The following TBX6 variants were observed in gnomAD, a reference collection of about 807,000 sequenced individuals.
TBX6 encodes the protein T-box transcription factor TBX6.
A neutral mutation model predicts 42.3 loss-of-function variants in TBX6; 29 were observed. That is an observed-to-expected ratio of 0.69 (90% CI 0.51 to 0.93). The LOEUF is 0.93. Ranked by LOEUF, TBX6 falls within the 40% of genes least tolerant of loss-of-function variation. The pLI is 0.00. For missense variants in TBX6, 569 were observed against 603.3 expected, an observed-to-expected ratio of 0.94 and a Z score of 0.59; for synonymous variants, 249 against 245.1, an observed-to-expected ratio of 1.02 and a Z score of -0.15.
Position 30,090,756 on chromosome 16 carries a change from A to C in TBX6, c.353+2T>G. ...AAACACGGACCCTGGCCAGCCCCTC[A>C]CCTCCCAGCTTTGGTGATGATCATT... On this transcript the variant is annotated splice_donor_variant, in intron 3 of 8. Transcript: ENST00000395224. LOFTEE classifies it high-confidence loss of function. The C allele has an allele frequency of 1.9e-6, 3 of 1,608,374 alleles. No homozygotes were observed. The highest frequency in any genetic ancestry group is 2.5e-6 in the Non-Finnish European group (3 of 1,177,470).
At chr16:30,089,673 T>C (rs1357356590) in intron 3 of TBX6, among the ~76,000 whole-genome samples, 1 of 151,850 alleles carries the variant, frequency 6.6e-6, no homozygotes, top group African/African-American at 2.4e-5. Flanking sequence ...GGCTCATGCC[T>C]GTAATCTCAG....
chr16:30,090,843 C>G lies in TBX6; in HGVS notation c.268G>C (p.Gly90Arg). ...SAPEALHSLP[G>R]VSLSLENREL... ...CGGTTCTCCAGGCTCAGGCTGACCCCCGGGAGGGAATGGAGGGCCTCTGGA... is the reference window on the plus strand; with the variant it reads ...CGGTTCTCCAGGCTCAGGCTGACCCGCGGGAGGGAATGGAGGGCCTCTGGA... The change falls in exon 3 of 9, where the codon GGG (glycine) becomes CGG (arginine). Residue 90 changes from glycine (G) to arginine (R), a missense_variant. Coordinates refer to ENST00000395224, the MANE Select transcript of TBX6 (RefSeq NM_004608.4). 4 of 1,605,026 alleles carry G rather than the reference C, an allele frequency of 2.5e-6. No individual in the cohort carries two copies. Among genetic ancestry groups the G allele is most frequent in the Non-Finnish European group, 2.6e-6 (3 of 1,174,786 alleles).
At chr16:30,089,352 A>G in intron 3 of TBX6, 142 bp from the exon 4 acceptor site, 1 of 1,122,614 alleles carries the variant, frequency 8.9e-7, no homozygotes. Flanking sequence ...CCCAGAGGGC[A>G]GGCTGGAGGC....
chr16:30,086,324 C>T lies in TBX6; in HGVS notation c.1212G>A (p.Ala404=), dbSNP rs561072265. The change falls in exon 9 of 9, where the codon GCG becomes GCA. Residue 404 remains alanine (A), a synonymous_variant. Coordinates refer to ENST00000395224, the MANE Select transcript of TBX6 (RefSeq NM_004608.4). The surrounding 1 kb of genome is among the most constrained non-coding windows in gnomAD (Gnocchi z 4.6). ...GGAGAAAGTGCGGGGCAAAGGGTAC[C>T]GCCGGTGGAGCCGCTGGGTACCCGG... ...GGSGYPAAPP[A]VPFAPHFLQG... 1.2e-5 allele frequency: 19 copies of T among 1,607,404 alleles called. 1 individual carries two copies. Among genetic ancestry groups the T allele is most frequent in the African/African-American group, 6.7e-5 (5 of 74,646 alleles).
intron 3 of TBX6, among the ~76,000 whole-genome samples, chr16:30,089,759 G>A (rs760567594): frequency 2.6e-5 from 4 of 151,972 alleles, no homozygotes; most frequent in Admixed American, 6.6e-5. Flanking sequence ...GTGAAACACC[G>A]TCTCTACTAA....
chr16:30,090,927 C>T lies in TBX6; in HGVS notation c.184G>A (p.Ala62Thr), dbSNP rs373661215. 6.2e-6 allele frequency: 10 copies of T among 1,612,714 alleles called. No individual in the cohort carries two copies. Among genetic ancestry groups the T allele is most frequent in the Admixed American group, 3.3e-5 (2 of 59,914 alleles). Residue 62 changes from alanine (A) to threonine (T), a missense_variant, in exon 3 of 9, where the codon GCG (alanine) becomes ACG (threonine). Ala to Thr is a moderately conservative substitution (Grantham distance 58, BLOSUM62 0). Coordinates refer to ENST00000395224, the MANE Select transcript of TBX6 (RefSeq NM_004608.4). ...GMEAAPRTLA[A>T]HPPLPLLPPA... Reference sequence around the variant, plus strand: ...GGCAGAAGGGGCAGAGGTGGGTGCGCGGCCAGGGTGCGGGGAGCAGCCTCC... The same window carrying T: ...GGCAGAAGGGGCAGAGGTGGGTGCGTGGCCAGGGTGCGGGGAGCAGCCTCC...
rs1311359949 is a variant in TBX6, at chr16:30,086,365, G to A, written c.1171C>T (p.His391Tyr). The change falls in exon 9 of 9, where the codon CAC becomes TAC. Residue 391 changes from histidine (H) to tyrosine (Y), a missense_variant. Physicochemically the swap from His to Tyr is moderately conservative, Grantham distance 83. Transcript: ENST00000395224. The surrounding 1 kb of genome is among the most constrained non-coding windows in gnomAD (Gnocchi z 4.6). ...PYSAAFLELP[H>Y]GSGGSGYPAA... ...GGGTACCCGGAGCCCCCTGACCCGT[G>A]CGGCAGCTCCAGAAATGCAGCCGAG... is the stretch of plus-strand genomic sequence containing the variant. 1.3e-6 allele frequency: 2 copies of A among 1,580,258 alleles called. No individual in the cohort carries two copies. The highest frequency in any genetic ancestry group is 2.3e-5 in the South Asian group (2 of 86,236).
Position 30,086,128 on chromosome 16 carries a change from TGGTGTGGGGGATGGGGCCGGTGGA to T in TBX6, c.*73_*96del. On this transcript the variant is annotated 3_prime_UTR_variant, in exon 9 of 9. Transcript: ENST00000395224. This position sits in a 1 kb window ranked among gnomAD's most constrained non-coding sequence, Gnocchi z 4.6. Reference sequence around the variant, plus strand: ...GGTGGGCAGGCCCAAGGCGGCCATTTGGTGTGGGGGATGGGGCCGGTGGAGGTGAGGGGGCTCCAGGGCTGGGGG... The same window carrying T: ...GGTGGGCAGGCCCAAGGCGGCCATTTGGTGAGGGGGCTCCAGGGCTGGGGG... 8.4e-7 allele frequency: 1 copy of T among 1,193,902 alleles called. No individual in the cohort carries two copies. Among genetic ancestry groups the T allele is most frequent in the Non-Finnish European group, 1.1e-6 (1 of 906,924 alleles). 74.0% of individuals were successfully genotyped at this position (1,193,902 alleles called of 1,614,324 possible).
In TBX6 at chr16:30,088,278, A is replaced by T. The variant is rs2072669445; in HGVS notation, c.839+267T>A. 2.0e-6 allele frequency: 1 copy of T among 506,456 alleles called. No individual in the cohort carries two copies. 31.4% of individuals were successfully genotyped at this position (506,456 alleles called of 1,614,324 possible). A position where few individuals can be genotyped will look rare whatever the true frequency, so the allele number is the denominator to read the frequency against. On this transcript the variant is annotated intron_variant, in intron 6 of 8. Coordinates refer to ENST00000395224, the MANE Select transcript of TBX6 (RefSeq NM_004608.4). This position sits in a 1 kb window ranked among gnomAD's most constrained non-coding sequence, Gnocchi z 4.1. Reference sequence around the variant, plus strand: ...ATGGCTTCCTAACAGATGACATTTTATTTATTTCTCTTGTCTGCTTGTCTA... The same window carrying T: ...ATGGCTTCCTAACAGATGACATTTTTTTTATTTCTCTTGTCTGCTTGTCTA...
chr16:30,091,372 G>A (rs1178507134), intron 1 of TBX6, 131 bp from the exon 2 acceptor site: 1 of 581,620 alleles, frequency 1.7e-6, no homozygotes, highest in Admixed American at 3.4e-5. Flanking sequence ...GTCCGAGAGG[G>A]GGTCGGATAC....
chr16:30,086,269 C>T lies in TBX6; in HGVS notation c.1267G>A (p.Ala423Thr), dbSNP rs750299943. ...CCCACATCCAGATAGCCCCCAGGCG[C>T]GGTGTATGGTAGAGGGAAGGGGCCC... Reference protein sequence around the residue: ...QGGPFPLPYTAPGGYLDVGSK... With the variant: ...QGGPFPLPYTTPGGYLDVGSK... Residue 423 changes from alanine to threonine, a missense_variant, in exon 9 of 9, where the codon GCG becomes ACG. Around this residue, in one of 3 missense-constraint regions of TBX6, gnomAD observed 245 missense variants for 227.4 expected, o/e 1.08. Transcript: ENST00000395224. This position sits in a 1 kb window ranked among gnomAD's most constrained non-coding sequence, Gnocchi z 4.6. 12 of 1,611,956 alleles carry T rather than the reference C, an allele frequency of 7.4e-6. No homozygotes were observed. The East Asian group carries it at 8.9e-5, about 12-fold the overall frequency.
chr16:30,087,822 G>T, intron 6 of TBX6: 1 of 150,954 alleles, frequency 6.6e-6, no homozygotes, highest in East Asian at 1.9e-4. Context: ...GCCTTTCCAG[G>T]CCTCTTATCT....
intron 6 of TBX6, among the ~76,000 whole-genome samples, chr16:30,087,733 A>G (rs2072657123): frequency 6.6e-6 from 1 of 151,898 alleles, no homozygotes; most frequent in Admixed American, 6.6e-5. Context: ...CCCACTCCCT[A>G]GTGTGCTTTG....
chr16:30,090,616 C>T (rs1404434531), intron 3 of TBX6, 142 bp downstream of exon 3: 2 of 828,860 alleles, frequency 2.4e-6, no homozygotes, highest in Non-Finnish European at 3.7e-6. Context: ...CAGAGTAACC[C>T]TTGCCCCAGG....
chr16:30,091,221 C>G lies in TBX6; in HGVS notation c.-28G>C. 1 of 1,519,680 alleles carries G rather than the reference C, an allele frequency of 6.6e-7. No individual in the cohort carries two copies. The highest frequency in any genetic ancestry group is 8.8e-7 in the Non-Finnish European group (1 of 1,132,116). 94.1% of individuals were successfully genotyped at this position (1,519,680 alleles called of 1,614,324 possible). ...TGTAGTTCCGTCTGGCCTCAGGTCT[C>G]GCTGCTTAGGGCCCCCGGTGCTGCG... On this transcript the variant is annotated 5_prime_UTR_variant, in exon 2 of 9. Transcript: ENST00000395224.
At chr16:30,087,804 C>T (rs572681059) in intron 6 of TBX6, 2 of 152,532 alleles carry the variant, frequency 1.3e-5, no homozygotes, top group East Asian at 3.8e-4. Flanking sequence ...TGTCTTCTTC[C>T]CACTGAGGCC....
At position 30,086,352 on chromosome 16, in the gene TBX6, C is replaced by T. The variant is rs1596847759; in HGVS notation, c.1184G>A (p.Gly395Asp). Residue 395 changes from glycine (G) to aspartate (D), a missense_variant, in exon 9 of 9, where the codon GGC (glycine) becomes GAC (aspartate). By Grantham distance (94) the Gly-to-Asp change is moderately conservative. Around this residue, in one of 3 missense-constraint regions of TBX6, gnomAD observed 245 missense variants for 227.4 expected, o/e 1.08. Transcript: ENST00000395224. The surrounding 1 kb of genome is among the most constrained non-coding windows in gnomAD (Gnocchi z 4.6). ...CGGTGGAGCCGCTGGGTACCCGGAG[C>T]CCCCTGACCCGTGCGGCAGCTCCAG... Reference protein sequence around the residue: ...AFLELPHGSGGSGYPAAPPAV... With the variant: ...AFLELPHGSGDSGYPAAPPAV... 4 of 1,586,898 alleles carry T rather than the reference C, an allele frequency of 2.5e-6. No individual in the cohort carries two copies. The highest frequency in any genetic ancestry group is 2.6e-6 in the Non-Finnish European group (3 of 1,172,556).
chr16:30,086,654 T>C lies in TBX6; in HGVS notation c.955A>G (p.Ile319Val). The change falls in exon 8 of 9, where the codon ATT becomes GTT. Residue 319 changes from isoleucine to valine, a missense_variant. By Grantham distance (29) the Ile-to-Val change is conservative (BLOSUM62 3). This residue lies in a region of TBX6 where 245 missense variants were observed against 227.4 expected (regional missense o/e 1.08). Transcript: ENST00000395224. This position sits in a 1 kb window ranked among gnomAD's most constrained non-coding sequence, Gnocchi z 4.6. ...GCCTGTTCTGGATCTGATTCACGAA[T>C]GTCTCCACCCAGGGTGGAGTCGCAG... ...GPCDSTLGGD[I>V]RESDPEQAPA... The C allele has an allele frequency of 1.9e-6, 3 of 1,609,354 alleles. No homozygotes were observed. Among genetic ancestry groups the C allele is most frequent in the South Asian group, 1.1e-5 (1 of 90,776 alleles).
chr16:30,090,711 T>TCCCAAGAGACCCCCA, intron 3 of TBX6, 47 bp downstream of exon 3: 1 of 1,578,978 alleles, frequency 6.3e-7, no homozygotes, highest in Non-Finnish European at 8.6e-7. Flanking sequence ...ACTCTGCCTT[T>TCCCAAGAGACCCCCA]CCCAAGAGAC....
Sources: allele counts gnomAD v4.1 joint callset (sites outside exome capture counted in the v4.1 genomes callset), GRCh38; gene constraint gnomAD v4.1.1; regional missense constraint gnomAD v4.1.1; non-coding constraint Gnocchi (gnomAD v3.1); transcripts MANE v1.5; gene names NCBI Gene and HGNC (gene_info 2026-07-23, HGNC 2026-07-21).